Variants in MECOM observed in about 807,000 individuals in gnomAD.
The protein encoded by MECOM is histone-lysine N-methyltransferase MECOM.
MECOM carries 13 observed loss-of-function variants against 116.3 expected under a neutral mutation model. The ratio of observed to expected loss-of-function variants is 0.11; its 90% CI spans 0.07 to 0.18. The LOEUF (loss-of-function observed/expected upper bound fraction) is 0.18, where lower values mean the gene tolerates loss of function less well. Ranked by LOEUF, MECOM falls within the 10% of genes least tolerant of loss-of-function variation. MECOM has a pLI of 1.00. For synonymous variants in MECOM, 528 were observed against 535.2 expected (o/e 0.99, Z 0.19); for missense variants, 1,299 against 1,509.0 (o/e 0.86, Z 2.31).
At chr3:169,263,116 T>C (rs1757785018) in intron 2 of MECOM, among the ~76,000 whole-genome samples, 1 of 100,058 alleles carries the variant, frequency 1.0e-5, no homozygotes, top group African/African-American at 5.1e-5. Context: ...TATATATATA[T>C]ATATATATAT....
intron 1 of MECOM, among the ~76,000 whole-genome samples, chr3:169,450,191 G>C (rs1215432833): frequency 6.6e-6 from 1 of 152,124 alleles, no homozygotes; most frequent in Non-Finnish European, 1.5e-5. Flanking sequence ...TATTATTTCT[G>C]AAATATGTGT....
chr3:169,446,004 C>T (rs1287796509), intron 1 of MECOM, among the ~76,000 whole-genome samples: 3 of 152,174 alleles, frequency 2.0e-5, no homozygotes, highest in African/African-American at 7.2e-5. Flanking sequence ...AGCTAGGAAG[C>T]AACTAGGTTG....
intron 1 of MECOM, among the ~76,000 whole-genome samples, chr3:169,591,592 A>G (rs1050433292): frequency 6.6e-6 from 1 of 151,956 alleles, no homozygotes; most frequent in Non-Finnish European, 1.5e-5. Context: ...CAAAGCCCAC[A>G]CTCTGTCTGC....
chr3:169,527,130 A>C lies in MECOM; in HGVS notation c.37+136206T>G, dbSNP rs1288545790. Among the ~76,000 whole-genome samples the C allele has an allele frequency of 1.3e-5, 2 of 152,220 alleles. 1 individual carries two copies. Among genetic ancestry groups the C allele is most frequent in the Middle Eastern group, 6.3e-3 (2 of 316 alleles). ...TCTTAAAATGGAAAACCTTCTCAAA[A>C]CTGGATATTTCGAACCAACCTACCA... On this transcript the variant is annotated intron_variant, in intron 1 of 16. Transcript: ENST00000651503.
chr3:169,209,071 C>T (rs1222087395), intron 2 of MECOM, among the ~76,000 whole-genome samples: 8 of 152,064 alleles, frequency 5.3e-5, no homozygotes, highest in African/African-American at 1.9e-4. Flanking sequence ...CTTCAACAAA[C>T]CTGACAAAAA....
intron 2 of MECOM, among the ~76,000 whole-genome samples, chr3:169,253,064 T>A (rs1756431623): frequency 6.6e-6 from 1 of 152,202 alleles, no homozygotes; most frequent in Admixed American, 6.5e-5. Context: ...GATTTTTAGC[T>A]ATTTTTTAAA....
At chr3:169,116,813 G>A (rs1729304364) in intron 7 of MECOM, 74 bp from the exon 8 acceptor site, 6 of 1,493,578 alleles carry the variant, frequency 4.0e-6, no homozygotes, top group Non-Finnish European at 5.3e-6. Flanking sequence ...ATCACAATTG[G>A]TTTACTCAAA....
chr3:169,097,686 G>A (rs550077561), intron 12 of MECOM, among the ~76,000 whole-genome samples: 4 of 151,800 alleles, frequency 2.6e-5, no homozygotes, highest in African/African-American at 7.2e-5. Flanking sequence ...TGGATTCTCC[G>A]GGACATGGTG....
intron 1 of MECOM, among the ~76,000 whole-genome samples, chr3:169,467,643 C>T (rs1320896626): frequency 6.6e-6 from 1 of 152,150 alleles, no homozygotes; most frequent in African/African-American, 2.4e-5. Flanking sequence ...AATTGAATGC[C>T]TCAGCTGTTT....
rs142506636 is a variant in MECOM, at chr3:169,594,921, A to G, written c.37+68415T>C. On this transcript the variant is annotated intron_variant, in intron 1 of 16. Transcript: ENST00000651503. The stretch of plus-strand genomic sequence containing the variant: ...AAAAAAACTGGATCTATATTCTAAA[A>G]TTAATGGGGGAGGGAGGGCTGGACT... 5.3e-3 allele frequency among the ~76,000 whole-genome samples: 806 copies of G among 151,738 alleles called. 8 individuals carry two copies. Among genetic ancestry groups the G allele is most frequent in the African/African-American group, 0.018 (753 of 41,358 alleles).
chr3:169,307,637 G>A (rs1053478615), intron 2 of MECOM, among the ~76,000 whole-genome samples: 1 of 152,086 alleles, frequency 6.6e-6, no homozygotes, highest in African/African-American at 2.4e-5. Flanking sequence ...AAGTGTAAAT[G>A]GCCTCCTGTT....
chr3:169,132,242 G>T (rs1221352260), intron 3 of MECOM, among the ~76,000 whole-genome samples: 2 of 152,116 alleles, frequency 1.3e-5, no homozygotes, highest in Non-Finnish European at 2.9e-5. Context: ...CTGAGGAGAG[G>T]AAGCATTTAA....
intron 2 of MECOM, among the ~76,000 whole-genome samples, chr3:169,294,415 G>C (rs1715196868): frequency 6.6e-6 from 1 of 152,148 alleles, no homozygotes; most frequent in South Asian, 2.1e-4. Context: ...CTAATGTATT[G>C]ATCATTTGGG....
At chr3:169,662,997 C>T (rs1253830575) in intron 1 of MECOM, among the ~76,000 whole-genome samples, 1 of 145,978 alleles carries the variant, frequency 6.9e-6, no homozygotes. Context: ...TCTTCCCCCC[C>T]ACCCCACCCC....
intron 2 of MECOM, among the ~76,000 whole-genome samples, chr3:169,219,737 T>C (rs1751879099): frequency 6.6e-6 from 1 of 151,000 alleles, no homozygotes; most frequent in African/African-American, 2.4e-5. Flanking sequence ...TAAATTTAAA[T>C]TACATATATA....
At chr3:169,510,278 T>C (rs747646646) in intron 1 of MECOM, among the ~76,000 whole-genome samples, 27 of 152,086 alleles carry the variant, frequency 1.8e-4, no homozygotes, top group Non-Finnish European at 2.6e-4. Flanking sequence ...CCACCCCCCT[T>C]ATTTCCTGTT....
At chr3:169,162,096 A>T (rs1742936828) in intron 2 of MECOM, among the ~76,000 whole-genome samples, 1 of 152,176 alleles carries the variant, frequency 6.6e-6, no homozygotes, top group Admixed American at 6.5e-5. Context: ...GGGCAGCAAT[A>T]GATACCAAGC....
chr3:169,513,264 A>G (rs948957486), intron 1 of MECOM, among the ~76,000 whole-genome samples: 2 of 152,258 alleles, frequency 1.3e-5, no homozygotes, highest in Non-Finnish European at 2.9e-5. Flanking sequence ...CTTGCTGTTC[A>G]TGCATCAACC....
At position 169,131,499 on chromosome 3, in the gene MECOM, C is replaced by T. The variant is rs143480431; in HGVS notation, c.543G>A (p.Pro181=). The change falls in exon 4 of 17, where the codon CCG becomes CCA. Residue 181 remains proline, a synonymous_variant. Coordinates refer to ENST00000651503, the MANE Select transcript of MECOM (RefSeq NM_004991.4). ...TCATGAACAGCAGAAGCTCCTCTCC[C>T]GGCGCAATGTCTGCAACTACTCTAT... The part of the protein sequence containing the change: ...IFYRVVADIA[P]GEELLLFMKS... The T allele has an allele frequency of 7.9e-4, 1,269 of 1,613,756 alleles. 4 individuals carry two copies. In the African/African-American group the frequency reaches 0.014, roughly 18 times the overall value.
Sources: gnomAD v4.1 joint callset for allele counts (sites outside exome capture counted in the v4.1 genomes callset) on GRCh38, gnomAD v4.1.1 for gene constraint, MANE v1.5 for transcripts, NCBI Gene and HGNC (gene_info 2026-07-23, HGNC 2026-07-21) for gene names.